RASSF5: variants seen among roughly 807,000 people sequenced by gnomAD.
The protein encoded by RASSF5 is Ras association domain family member 5.
RASSF5 carries 25 observed loss-of-function variants against 40.5 expected under a neutral mutation model. That is an observed-to-expected ratio of 0.62 (90% CI 0.45 to 0.86). The LOEUF is 0.86. Ranked by LOEUF, RASSF5 falls within the 40% of genes least tolerant of loss-of-function variation. The pLI, the probability that RASSF5 is intolerant of heterozygous loss-of-function variation, is 0.00. For missense variants in RASSF5, 521 were observed against 572.8 expected (o/e 0.91, Z 0.92); for synonymous variants, 246 against 252.4 (o/e 0.97, Z 0.24).
intron 1 of RASSF5, chr1:206,518,278 T>A (rs1666811743): frequency 2.5e-6 from 1 of 395,916 alleles, no homozygotes; most frequent in Non-Finnish European, 4.4e-6. Context: ...AGGGTCCAGG[T>A]GACTGTCCAG....
chr1:206,549,410 T>C (rs115141761), intron 2 of RASSF5, among the ~76,000 whole-genome samples: 6,414 of 152,256 alleles, frequency 0.042, 458 homozygotes, highest in African/African-American at 0.15. Context: ...TATCCCCTTC[T>C]ACCCTAGAAG....
intron 2 of RASSF5, among the ~76,000 whole-genome samples, chr1:206,550,885 G>A (rs1667821219): frequency 6.6e-6 from 1 of 152,172 alleles, no homozygotes; most frequent in Non-Finnish European, 1.5e-5. Context: ...GAGCACACAG[G>A]CACAAATCCA....
chr1:206,567,486 G>C (rs1400316700), intron 2 of RASSF5, among the ~76,000 whole-genome samples: 1 of 152,148 alleles, frequency 6.6e-6, no homozygotes, highest in African/African-American at 2.4e-5. Context: ...ATGGAGCGGG[G>C]AGGAGCAGGC....
chr1:206,583,080 G>A (rs376376065), intron 2 of RASSF5, 189 bp from the exon 3 acceptor site: 58 of 535,826 alleles, frequency 1.1e-4, no homozygotes, highest in African/African-American at 7.6e-4. Flanking sequence ...CTCCAGGAGG[G>A]CTGGCTAGAC....
rs530192428 is a variant in RASSF5 at position 206,585,246 on chromosome 1, C to T, written c.1055C>T (p.Thr352Met). 4.6e-5 allele frequency: 75 copies of T among 1,614,146 alleles called. 1 individual carries two copies. The highest frequency in any genetic ancestry group is 3.4e-4 in the South Asian group (31 of 91,088). Reference sequence around the variant, plus strand: ...CTGCGCCTGCTTGCTGGGCCTGACACGGAGGTCCTCAGCTTTGTGCTAAAG... The same window carrying T: ...CTGCGCCTGCTTGCTGGGCCTGACATGGAGGTCCTCAGCTTTGTGCTAAAG... Reference protein sequence around the residue: ...LYLRLLAGPDTEVLSFVLKEN... With the variant: ...LYLRLLAGPDMEVLSFVLKEN... The change falls in exon 5 of 6, where the codon ACG (threonine) becomes ATG (methionine). Residue 352 changes from threonine to methionine, a missense_variant. Coordinates refer to ENST00000579436, the MANE Select transcript of RASSF5 (RefSeq NM_182663.4).
Position 206,538,283 on chromosome 1 carries a change from C to T in RASSF5, c.569C>T (p.Thr190Ile), listed in dbSNP as rs139992469. The T allele has an allele frequency of 9.3e-6, 15 of 1,613,656 alleles. No individual in the cohort carries two copies. In the African/African-American group the frequency reaches 1.6e-4, roughly 17 times the overall value. The change falls in exon 2 of 6, where the codon ACC becomes ATC. Residue 190 changes from threonine (T) to isoleucine (I), a missense_variant. Thr to Ile is a moderately conservative substitution (Grantham distance 89). Coordinates refer to ENST00000579436, the MANE Select transcript of RASSF5 (RefSeq NM_182663.4). ...RPSPESTLTV[T>I]FSQNVCKPVE... ...TCTCCAGAAAGCACCCTCACCGTGA[C>T]CTTCAGCCAGGTAGGTGCCAAAGCT...
At chr1:206,549,643 AC>A (rs1307466556) in intron 2 of RASSF5, among the ~76,000 whole-genome samples, 1 of 152,170 alleles carries the variant, frequency 6.6e-6, no homozygotes, top group African/African-American at 2.4e-5. Flanking sequence ...TTGTTCTAGG[AC>A]CCAGTTAAAT....
intron 2 of RASSF5, among the ~76,000 whole-genome samples, chr1:206,565,822 G>A (rs1553403292): frequency 1.3e-5 from 2 of 152,196 alleles, no homozygotes; most frequent in African/African-American, 4.8e-5. Context: ...CAGTGACAGA[G>A]CTGCACCACC....
chr1:206,523,675 A>T (rs1217555655), intron 1 of RASSF5, among the ~76,000 whole-genome samples: 4 of 97,020 alleles, frequency 4.1e-5, no homozygotes, highest in Admixed American at 1.7e-4. Context: ...AAAATATATT[A>T]TATATAAATA....
Position 206,587,002 on chromosome 1 carries a change from G to C in RASSF5, c.*24G>C. 2 of 1,613,456 alleles carry C rather than the reference G, an allele frequency of 1.2e-6. No individual in the cohort carries two copies. The highest frequency in any genetic ancestry group is 4.5e-5 in the East Asian group (2 of 44,890). ...AACCGGTCCTGCTTCCTCTCCTCCT[G>C]GTGCATTCAGATTTATTTGTATTAT... On this transcript the variant is annotated 3_prime_UTR_variant, in exon 6 of 6. Coordinates refer to ENST00000579436, the MANE Select transcript of RASSF5 (RefSeq NM_182663.4).
intron 2 of RASSF5, 107 bp from the exon 3 acceptor site, chr1:206,583,162 C>A: frequency 1.3e-6 from 1 of 741,436 alleles, no homozygotes; most frequent in Non-Finnish European, 2.4e-6. Context: ...CTCTGCAGGG[C>A]TGGATGCTCA....
intron 2 of RASSF5, among the ~76,000 whole-genome samples, chr1:206,569,843 T>C (rs572722951): frequency 1.5e-3 from 226 of 152,172 alleles, no homozygotes; most frequent in Non-Finnish European, 2.5e-3. Context: ...TGTGTTCATT[T>C]TGCATCCCAG....
At chr1:206,525,453 G>A (rs797035593) in intron 1 of RASSF5, among the ~76,000 whole-genome samples, 2 of 152,094 alleles carry the variant, frequency 1.3e-5, no homozygotes, top group Admixed American at 1.3e-4. Flanking sequence ...CTGTCCCCCA[G>A]GCTGGAGTAC....
chr1:206,518,112 C>T (rs1196441139), intron 1 of RASSF5, among the ~76,000 whole-genome samples: 1 of 152,216 alleles, frequency 6.6e-6, no homozygotes, highest in African/African-American at 2.4e-5. Context: ...AGGCTCGGGG[C>T]AGGCTCTTCC....
intron 2 of RASSF5, among the ~76,000 whole-genome samples, chr1:206,567,460 C>A (rs1217727970): frequency 2.0e-5 from 3 of 152,134 alleles, no homozygotes; most frequent in African/African-American, 7.2e-5. Context: ...TTGGTCTGGG[C>A]ACCCACAGTC....
chr1:206,514,361 G>C (rs1666697247), intron 1 of RASSF5, among the ~76,000 whole-genome samples: 1 of 152,254 alleles, frequency 6.6e-6, no homozygotes, highest in African/African-American at 2.4e-5. Context: ...GCATGGGGCA[G>C]AGGGATCGGG....
In RASSF5 at chr1:206,531,920, C is replaced by T. The variant is rs1193556404; in HGVS notation, c.458-6252C>T. Among the ~76,000 whole-genome samples, 24 of 151,680 alleles carry T rather than the reference C, an allele frequency of 1.6e-4. No individual in the cohort carries two copies. The highest frequency in any genetic ancestry group is 2.1e-4 in the South Asian group (1 of 4,798). Reference sequence around the variant, plus strand: ...TACAAAAATTAGCCAGGCATGGTGGCGGGTGCCTGTAATGCCAGCTGCTTG... The same window carrying T: ...TACAAAAATTAGCCAGGCATGGTGGTGGGTGCCTGTAATGCCAGCTGCTTG... On this transcript the variant is annotated intron_variant, in intron 1 of 5. Transcript: ENST00000579436. The surrounding 1 kb of genome is among the most constrained non-coding windows in gnomAD (Gnocchi z 4.7).
At position 206,560,362 on chromosome 1, in the gene RASSF5, G is replaced by A. The variant is rs1668104739; in HGVS notation, c.579+22069G>A. On this transcript the variant is annotated intron_variant, in intron 2 of 5. Transcript: ENST00000579436. This position sits in a 1 kb window ranked among gnomAD's most constrained non-coding sequence, Gnocchi z 5.1. Reference sequence around the variant, plus strand: ...ACTCCTCTCCAATGCCCTTTGGGAAGAGGTCGGAGGGGTGGGAAAGGTCTC... The same window carrying A: ...ACTCCTCTCCAATGCCCTTTGGGAAAAGGTCGGAGGGGTGGGAAAGGTCTC... 6.6e-6 allele frequency among the ~76,000 whole-genome samples: 1 copy of A among 152,228 alleles called. No homozygotes were observed. The highest frequency in any genetic ancestry group is 2.4e-5 in the African/African-American group (1 of 41,460).
chr1:206,583,300 G>A lies in RASSF5; in HGVS notation c.611G>A (p.Arg204His), dbSNP rs782012174. The change falls in exon 3 of 6, where the codon CGC (arginine) becomes CAC (histidine). Residue 204 changes from arginine to histidine, a missense_variant. Arg to His is a conservative substitution (Grantham distance 29). Around this residue, in one of 2 missense-constraint regions of RASSF5, gnomAD observed 284 missense variants for 360.8 expected, o/e 0.79. Coordinates refer to ENST00000579436, the MANE Select transcript of RASSF5 (RefSeq NM_182663.4). ...TGTAAACCTGTGGAGGAGACACAGCGCCCGCCCACACTGCAGGAGATCAAG... is the reference window on the plus strand; with the variant it reads ...TGTAAACCTGTGGAGGAGACACAGCACCCGCCCACACTGCAGGAGATCAAG... ...NVCKPVEETQ[R>H]PPTLQEIKQK... 3.5e-5 allele frequency: 57 copies of A among 1,613,460 alleles called. No homozygotes were observed. Among genetic ancestry groups the A allele is most frequent in the African/African-American group, 8.0e-5 (6 of 74,838 alleles).
Sources: allele counts gnomAD v4.1 joint callset (sites outside exome capture counted in the v4.1 genomes callset), GRCh38; gene constraint gnomAD v4.1.1; regional missense constraint gnomAD v4.1.1; non-coding constraint Gnocchi (gnomAD v3.1); transcripts MANE v1.5; gene names NCBI Gene and HGNC (gene_info 2026-07-23, HGNC 2026-07-21).